Variants in ARHGAP24 observed in about 807,000 individuals in gnomAD.
ARHGAP24 encodes the protein Rho GTPase activating protein 24.
Under a neutral mutation model 76.4 loss-of-function variants are expected in ARHGAP24, and 50 were observed. That is an observed-to-expected ratio of 0.65 (90% CI 0.52 to 0.83). The LOEUF is 0.83. ARHGAP24 is among the 40% of genes least tolerant of loss of function. ARHGAP24 has a pLI of 0.00. For synonymous variants in ARHGAP24, 345 were observed against 323.3 expected (o/e 1.07, Z -0.72); for missense variants, 930 against 914.2 (o/e 1.02, Z -0.22).
At chr4:85,848,801 T>C (rs1429086201) in intron 3 of ARHGAP24, among the ~76,000 whole-genome samples, 1 of 152,204 alleles carries the variant, frequency 6.6e-6, no homozygotes, top group African/African-American at 2.4e-5. Flanking sequence ...GTTCCATTGG[T>C]CTATATCTCT....
chr4:85,708,251 A>G (rs1264705713), intron 2 of ARHGAP24, among the ~76,000 whole-genome samples: 1 of 152,202 alleles, frequency 6.6e-6, no homozygotes, highest in Non-Finnish European at 1.5e-5. Flanking sequence ...TTTATGGAGT[A>G]TGAAAACTCT....
At chr4:85,496,049 C>T (rs1433283680) in intron 1 of ARHGAP24, among the ~76,000 whole-genome samples, 5 of 152,176 alleles carry the variant, frequency 3.3e-5, no homozygotes, top group Non-Finnish European at 5.9e-5. Flanking sequence ...AATAGAATAG[C>T]GAACTCTTTC....
chr4:85,667,356 G>A (rs531976019), intron 2 of ARHGAP24, among the ~76,000 whole-genome samples: 58 of 152,276 alleles, frequency 3.8e-4, no homozygotes, highest in Admixed American at 9.1e-4. Flanking sequence ...TCGGAAAAGC[G>A]CAGTATTAGG....
At chr4:85,868,854 T>G (rs1270466226) in intron 3 of ARHGAP24, among the ~76,000 whole-genome samples, 1 of 152,170 alleles carries the variant, frequency 6.6e-6, no homozygotes, top group Non-Finnish European at 1.5e-5. Flanking sequence ...TTAAAAGATG[T>G]TGTACCTACT....
chr4:85,831,651 C>T (rs4693741), intron 3 of ARHGAP24, among the ~76,000 whole-genome samples: 33,299 of 151,956 alleles, frequency 0.22, 3,910 homozygotes, highest in East Asian at 0.33. Context: ...CCTGTAACCC[C>T]AGCACTTTGG....
At chr4:85,834,616 A>C (rs1730169105) in intron 3 of ARHGAP24, among the ~76,000 whole-genome samples, 1 of 152,256 alleles carries the variant, frequency 6.6e-6, no homozygotes, top group African/African-American at 2.4e-5. Flanking sequence ...CACACCTGTC[A>C]AAACGGAGAG....
intron 8 of ARHGAP24, chr4:85,990,286 A>G (rs1479395305): frequency 6.6e-6 from 1 of 151,704 alleles, no homozygotes; most frequent in Non-Finnish European, 1.5e-5. Context: ...ACAAATAAGA[A>G]CTACATAAAT....
chr4:85,618,505 G>C lies in ARHGAP24; in HGVS notation c.180+47784G>C, dbSNP rs1448612982. On this transcript the variant is annotated intron_variant, in intron 2 of 9. Transcript: ENST00000395184. ...TTCCATTGGATATGTACCCCAAAGT[G>C]AGTTGCTGGATCATATAGTAGTTCT... is the stretch of plus-strand genomic sequence containing the variant. 2.0e-5 allele frequency among the ~76,000 whole-genome samples: 3 copies of C among 152,190 alleles called. No individual in the cohort carries two copies. In the East Asian group the frequency reaches 5.8e-4, roughly 29 times the overall value.
In ARHGAP24 at chr4:85,776,499, G is replaced by A. The variant is rs183885809; in HGVS notation, c.268+54527G>A. ...ATGTTGTGCCGTTTTAGATTGTATT[G>A]GATCACATATTGACAGCACATGCTT... is the stretch of plus-strand genomic sequence containing the variant. On this transcript the variant is annotated intron_variant, in intron 3 of 9. Coordinates refer to ENST00000395184, the MANE Select transcript of ARHGAP24 (RefSeq NM_001025616.3). 3.3e-5 allele frequency among the ~76,000 whole-genome samples: 5 copies of A among 152,272 alleles called. No individual in the cohort carries two copies. The East Asian group carries it at 9.6e-4, about 29-fold the overall frequency.
intron 1 of ARHGAP24, among the ~76,000 whole-genome samples, chr4:85,506,507 C>T (rs563264099): frequency 1.0e-3 from 153 of 152,296 alleles, no homozygotes; most frequent in Non-Finnish European, 1.9e-3. Context: ...CATACTGCTG[C>T]GCTAGCAGTG....
intron 1 of ARHGAP24, among the ~76,000 whole-genome samples, chr4:85,517,718 T>C (rs1424217347): frequency 6.6e-6 from 1 of 152,182 alleles, no homozygotes; most frequent in African/African-American, 2.4e-5. Flanking sequence ...TAATAAATTT[T>C]TAATGTTATT....
chr4:85,604,922 C>T (rs1050397857), intron 2 of ARHGAP24, among the ~76,000 whole-genome samples: 1 of 152,026 alleles, frequency 6.6e-6, no homozygotes, highest in Non-Finnish European at 1.5e-5. Context: ...CCATGTTGGT[C>T]AGGTTGGTCT....
chr4:85,977,442 C>A, intron 7 of ARHGAP24, 128 bp from the exon 8 acceptor site: 1 of 1,090,704 alleles, frequency 9.2e-7, no homozygotes, highest in Non-Finnish European at 1.4e-6. Flanking sequence ...GGGTGAACAT[C>A]CAAATAATTC....
chr4:85,573,955 A>AT (rs1727255872), intron 2 of ARHGAP24, among the ~76,000 whole-genome samples: 1 of 152,222 alleles, frequency 6.6e-6, no homozygotes, highest in Admixed American at 6.5e-5. Flanking sequence ...CAACGTAAGA[A>AT]TGTCCATGGT....
At chr4:85,639,375 A>G (rs1047056011) in intron 2 of ARHGAP24, among the ~76,000 whole-genome samples, 3 of 152,140 alleles carry the variant, frequency 2.0e-5, no homozygotes, top group Admixed American at 6.5e-5. Flanking sequence ...TGAGTATTAC[A>G]TTTATAAAAA....
At chr4:85,708,742 A>T (rs2110032630) in intron 2 of ARHGAP24, among the ~76,000 whole-genome samples, 1 of 152,278 alleles carries the variant, frequency 6.6e-6, no homozygotes, top group East Asian at 1.9e-4. Context: ...TTCAGACCAT[A>T]TTTAAATTCT....
At chr4:85,877,509 C>T (rs1233955801) in intron 3 of ARHGAP24, among the ~76,000 whole-genome samples, 1 of 124,192 alleles carries the variant, frequency 8.1e-6, no homozygotes, top group Non-Finnish European at 1.7e-5. Flanking sequence ...CTTGTAGTCC[C>T]AGCTACTCAG....
chr4:85,787,098 T>C (rs138324306), intron 3 of ARHGAP24, among the ~76,000 whole-genome samples: 21 of 152,334 alleles, frequency 1.4e-4, no homozygotes, highest in African/African-American at 5.1e-4. Context: ...TCTGGTCTTG[T>C]TACAAATGTG....
chr4:85,842,722 A>C (rs1171612817), intron 3 of ARHGAP24, among the ~76,000 whole-genome samples: 1 of 152,214 alleles, frequency 6.6e-6, no homozygotes, highest in African/African-American at 2.4e-5. Flanking sequence ...AGCTGTCTGG[A>C]AAAAGGAGAA....
Sources: gnomAD v4.1 joint callset for allele counts (sites outside exome capture counted in the v4.1 genomes callset) on GRCh38, gnomAD v4.1.1 for gene constraint, MANE v1.5 for transcripts, NCBI Gene and HGNC (gene_info 2026-07-23, HGNC 2026-07-21) for gene names.